Variants in INTS6L observed in about 807,000 individuals in gnomAD.
INTS6L encodes the protein integrator complex subunit 6-like.
INTS6L carries 18 observed loss-of-function variants against 64.7 expected under a neutral mutation model. The ratio of observed to expected loss-of-function variants is 0.28; its 90% confidence interval spans 0.19 to 0.41. The LOEUF is 0.41. Among genes scored for constraint, INTS6L ranks in the 10% least tolerant of loss-of-function variants. The pLI is 1.00. For synonymous variants in INTS6L, 227 were observed against 235.9 expected, an observed-to-expected ratio of 0.96 and a Z score of 0.34; for missense variants, 533 against 661.0, an observed-to-expected ratio of 0.81 and a Z score of 2.12.
intron 9 of INTS6L, among the ~76,000 whole-genome samples, chrX:135,568,315 A>G (rs1344517996): frequency 1.8e-5 from 2 of 111,151 alleles, no homozygotes; most frequent in African/African-American, 6.5e-5. Context: ...TATTTTTAGT[A>G]CATGGTATTC....
rs2087256866 is a variant in INTS6L, at chrX:135,577,352, G to A, written c.2044G>A (p.Gly682Ser). The change falls in exon 15 of 18, where the codon GGC becomes AGC. Residue 682 changes from glycine to serine, a missense_variant. Coordinates refer to ENST00000639893, the MANE Select transcript of INTS6L (RefSeq NM_001351601.3). ...QTPPTVTNHV[G>S]GKGPPSASWF... ...ACCACCTACTGTAACTAACCATGTG[G>A]GCGGAAAGGGACCACCCTCAGCCTC... 1 of 1,209,795 alleles carries A rather than the reference G, an allele frequency of 8.3e-7. No homozygotes were observed. Among genetic ancestry groups the A allele is most frequent in the Admixed American group, 2.2e-5 (1 of 45,743 alleles).
rs782238238 is a variant in INTS6L, at chrX:135,580,013, G to T, written c.2345G>T (p.Cys782Phe). 2.5e-6 allele frequency: 3 copies of T among 1,211,986 alleles called. No individual in the cohort carries two copies. The South Asian group carries it at 5.3e-5, about 21-fold the overall frequency. ...GCATTTGTAGGAGGAGCCAAAAACT[G>T]CAGTCTCTCCGTAGATGACCAAAAA... Reference protein sequence around the residue: ...SNAFVGGAKNCSLSVDDQKDP... With the variant: ...SNAFVGGAKNFSLSVDDQKDP... Residue 782 changes from cysteine (C) to phenylalanine (F), a missense_variant, in exon 16 of 18, where the codon TGC (cysteine) becomes TTC (phenylalanine). Cys to Phe is a radical substitution (Grantham distance 205, BLOSUM62 -2). Coordinates refer to ENST00000639893, the MANE Select transcript of INTS6L (RefSeq NM_001351601.3).
At chrX:135,547,090 A>G (rs782074459) in intron 5 of INTS6L, 47 bp from the exon 6 acceptor site, 2 of 1,188,190 alleles carry the variant, frequency 1.7e-6, no homozygotes, top group Non-Finnish European at 2.3e-6. Flanking sequence ...ATATTATGAA[A>G]TTATATTTGA....
intron 6 of INTS6L, among the ~76,000 whole-genome samples, 185 bp from the exon 7 acceptor site, chrX:135,549,457 A>G (rs1195439606): frequency 1.8e-5 from 2 of 112,512 alleles, no homozygotes; most frequent in African/African-American, 6.5e-5. Context: ...GATTAGACGA[A>G]AAGAGTTGCT....
intron 7 of INTS6L, among the ~76,000 whole-genome samples, chrX:135,551,774 C>T (rs2086509943): frequency 9.0e-6 from 1 of 111,501 alleles, no homozygotes; most frequent in African/African-American, 3.3e-5. Context: ...TTTACCTTTC[C>T]TCTTCCTAAT....
chrX:135,541,225 T>C (rs1045787027), intron 2 of INTS6L, among the ~76,000 whole-genome samples: 4 of 111,822 alleles, frequency 3.6e-5, no homozygotes, highest in Non-Finnish European at 5.6e-5. Context: ...CAGGCTCTCA[T>C]ACCTGACCTT....
At chrX:135,560,130 G>A (rs1174643369) in intron 9 of INTS6L, among the ~76,000 whole-genome samples, 1 of 111,874 alleles carries the variant, frequency 8.9e-6, no homozygotes, top group African/African-American at 3.2e-5. Context: ...TTACAAATAC[G>A]GTGCATATTT....
chrX:135,547,335 A>G, intron 6 of INTS6L, 70 bp downstream of exon 6: 5 of 1,082,875 alleles, frequency 4.6e-6, no homozygotes, highest in Non-Finnish European at 6.2e-6. Context: ...ATAAATTACT[A>G]TAGACACAGT....
chrX:135,563,649 ATATATATAGCTATATATATAGC>A (rs1198805015), intron 9 of INTS6L, among the ~76,000 whole-genome samples: 132 of 3,416 alleles, frequency 0.039, 7 homozygotes, highest in African/African-American at 0.059. Flanking sequence ...ATATATATAT[ATATATATAGCTATATATATAGC>A]TATATATATA....
In INTS6L at chrX:135,533,743, C is replaced by T. The variant is rs782702749; in HGVS notation, c.190-11680C>T. Reference sequence around the variant, plus strand: ...CTGCAATGCTTAGGTGGCTTAGTCTCACTCCTGTCCATGTATGTTTTTTCC... The same window carrying T: ...CTGCAATGCTTAGGTGGCTTAGTCTTACTCCTGTCCATGTATGTTTTTTCC... On this transcript the variant is annotated intron_variant, in intron 2 of 17. Transcript: ENST00000639893. 4.5e-5 allele frequency among the ~76,000 whole-genome samples: 5 copies of T among 112,223 alleles called. No individual in the cohort carries two copies. The East Asian group carries it at 1.1e-3, about 25-fold the overall frequency.
Position 135,577,429 on chromosome X carries a change from T to A in INTS6L, c.2119+2T>A, listed in dbSNP as rs1556531737. ...TAAAACCCACCCTTGTACATACAGG[T>A]ATAGAGTAGTGGTTGTGATTTCCTT... On this transcript the variant is annotated splice_donor_variant, in intron 15 of 17. Coordinates refer to ENST00000639893, the MANE Select transcript of INTS6L (RefSeq NM_001351601.3). LOFTEE classifies it high-confidence loss of function. 1 of 1,204,420 alleles carries A rather than the reference T, an allele frequency of 8.3e-7. No homozygotes were observed. The highest frequency in any genetic ancestry group is 1.1e-6 in the Non-Finnish European group (1 of 890,719).
At chrX:135,561,110 C>A (rs1265489016) in intron 9 of INTS6L, among the ~76,000 whole-genome samples, 3 of 107,706 alleles carry the variant, frequency 2.8e-5, no homozygotes, top group African/African-American at 1.0e-4. Flanking sequence ...TACCACCCTG[C>A]CTGGCTAATT....
At position 135,520,983 on chromosome X, in the gene INTS6L, G is replaced by A. The variant is rs782381669; in HGVS notation, c.-10G>A. On this transcript the variant is annotated 5_prime_UTR_variant, in exon 1 of 18. Transcript: ENST00000639893. The stretch of plus-strand genomic sequence containing the variant: ...GAGAGTGGGGAGCGGAGGCAGGAGT[G>A]CGGGGGAAGATGCCCATCCTGCTGT... 1.7e-6 allele frequency: 2 copies of A among 1,208,223 alleles called. No individual in the cohort carries two copies. Among genetic ancestry groups the A allele is most frequent in the Non-Finnish European group, 2.2e-6 (2 of 893,235 alleles).
At chrX:135,556,024 A>G (rs782360812) in intron 8 of INTS6L, 144 bp from the exon 9 acceptor site, 10 of 584,009 alleles carry the variant, frequency 1.7e-5, no homozygotes, top group Non-Finnish European at 2.5e-5. Context: ...ATATTTTGAC[A>G]TAACCATAGG....
At chrX:135,542,100 T>G (rs1303344613) in intron 2 of INTS6L, among the ~76,000 whole-genome samples, 2 of 111,923 alleles carry the variant, frequency 1.8e-5, no homozygotes, top group African/African-American at 6.5e-5. Flanking sequence ...ACATACTTTG[T>G]AGTACTGAGG....
At chrX:135,528,874 C>CG (rs1489064798) in intron 2 of INTS6L, among the ~76,000 whole-genome samples, 4 of 76,858 alleles carry the variant, frequency 5.2e-5, no homozygotes, top group Admixed American at 1.5e-4. Context: ...ACACCCCCCC[C>CG]CCCGACCCAC....
intron 7 of INTS6L, among the ~76,000 whole-genome samples, chrX:135,551,442 A>G (rs2086500772): frequency 8.9e-6 from 1 of 112,245 alleles, no homozygotes; most frequent in South Asian, 3.7e-4. Flanking sequence ...TGCTGCAAAA[A>G]TCCATCTGGG....
chrX:135,550,430 C>CTTTTTTTTTT (rs35317599), intron 7 of INTS6L, among the ~76,000 whole-genome samples: 1 of 86,882 alleles, frequency 1.2e-5, no homozygotes, highest in Non-Finnish European at 2.2e-5. Context: ...GATCAATTGG[C>CTTTTTTTTTT]TTTTTTTTTT....
intron 2 of INTS6L, among the ~76,000 whole-genome samples, chrX:135,530,417 G>A (rs1287593183): frequency 9.0e-6 from 1 of 111,712 alleles, no homozygotes; most frequent in African/African-American, 3.3e-5. Flanking sequence ...TATAGGAATA[G>A]TGGTAGGTTT....
Sources: gnomAD v4.1 joint callset for allele counts (sites outside exome capture counted in the v4.1 genomes callset) on GRCh38, gnomAD v4.1.1 for gene constraint, MANE v1.5 for transcripts, NCBI Gene and HGNC (gene_info 2026-07-23, HGNC 2026-07-21) for gene names.